The following ITGBL1 variants were observed in gnomAD, a reference collection of about 807,000 sequenced individuals.
The protein encoded by ITGBL1 is integrin subunit beta like 1.
ITGBL1 carries 51 observed loss-of-function variants against 68.5 expected under a neutral mutation model. The observed-to-expected ratio is 0.74, with a 90% confidence interval of 0.59 to 0.94. The LOEUF (loss-of-function observed/expected upper bound fraction) is 0.94, where lower values mean the gene tolerates loss of function less well. Ranked by LOEUF, ITGBL1 falls within the 40% of genes least tolerant of loss-of-function variation. The pLI, the probability that ITGBL1 is intolerant of heterozygous loss-of-function variation, is 0.00. For missense variants in ITGBL1, 649 were observed against 647.4 expected (o/e 1.00, Z -0.03); for synonymous variants, 209 against 227.3 (o/e 0.92, Z 0.72).
chr13:101,683,717 C>A (rs2139533519), intron 7 of ITGBL1, among the ~76,000 whole-genome samples: 1 of 151,988 alleles, frequency 6.6e-6, no homozygotes, highest in South Asian at 2.1e-4. Flanking sequence ...ATTTCCAAAC[C>A]ATTGCCAATG....
At chr13:101,549,224 C>G (rs1422581929) in intron 2 of ITGBL1, among the ~76,000 whole-genome samples, 1 of 151,712 alleles carries the variant, frequency 6.6e-6, no homozygotes, top group African/African-American at 2.4e-5. Context: ...GGACAGTAAC[C>G]ATATTTTATG....
chr13:101,566,792 T>C (rs1211717499), intron 2 of ITGBL1, among the ~76,000 whole-genome samples: 1 of 152,176 alleles, frequency 6.6e-6, no homozygotes. Context: ...CCATTCAAAA[T>C]CTGCTCAACT....
intron 7 of ITGBL1, among the ~76,000 whole-genome samples, chr13:101,674,236 C>A (rs188425303): frequency 1.4e-4 from 21 of 152,292 alleles, no homozygotes; most frequent in Non-Finnish European, 2.5e-4. Context: ...GCTTGTCTAA[C>A]CTTGGACTAA....
At chr13:101,715,439 A>AAT (rs372098650) in intron 10 of ITGBL1, 124 bp from the exon 11 acceptor site, 19 of 746,502 alleles carry the variant, frequency 2.5e-5, no homozygotes, top group African/African-American at 2.3e-4. Flanking sequence ...ATCATTGCAC[A>AAT]ATAAGAAAAT....
At chr13:101,667,649 T>G (rs2033254963) in intron 7 of ITGBL1, among the ~76,000 whole-genome samples, 1 of 152,192 alleles carries the variant, frequency 6.6e-6, no homozygotes, top group Admixed American at 6.5e-5. Flanking sequence ...AAACTGAATT[T>G]AGATTCAATT....
At chr13:101,660,646 A>C (rs2033059148) in intron 7 of ITGBL1, among the ~76,000 whole-genome samples, 1 of 152,158 alleles carries the variant, frequency 6.6e-6, no homozygotes, top group African/African-American at 2.4e-5. Context: ...GGGAAGGGCT[A>C]TTATCATTTA....
chr13:101,466,651 A>C (rs2048385729), intron 2 of ITGBL1, among the ~76,000 whole-genome samples: 1 of 152,200 alleles, frequency 6.6e-6, no homozygotes, highest in Admixed American at 6.5e-5. Context: ...TTATGTTTAC[A>C]AATATGCTGA....
At chr13:101,514,988 A>C (rs928060709) in intron 2 of ITGBL1, among the ~76,000 whole-genome samples, 1 of 152,138 alleles carries the variant, frequency 6.6e-6, no homozygotes, top group Admixed American at 6.6e-5. Flanking sequence ...CAAATAGAAA[A>C]TATTATAGGA....
intron 7 of ITGBL1, among the ~76,000 whole-genome samples, chr13:101,659,687 T>C (rs1466080677): frequency 6.6e-6 from 1 of 152,170 alleles, no homozygotes; most frequent in Admixed American, 6.5e-5. Context: ...GGTCTTGATC[T>C]CCTGACCTCG....
chr13:101,497,019 A>G (rs1374364778), intron 2 of ITGBL1, among the ~76,000 whole-genome samples: 1 of 152,186 alleles, frequency 6.6e-6, no homozygotes, highest in Middle Eastern at 3.2e-3. Context: ...TGGGACAAGC[A>G]TGGCAGAGGG....
At chr13:101,673,937 C>T (rs2033438265) in intron 7 of ITGBL1, among the ~76,000 whole-genome samples, 2 of 152,156 alleles carry the variant, frequency 1.3e-5, no homozygotes, top group South Asian at 4.1e-4. Flanking sequence ...CATCCTGGCA[C>T]TGATGGATGA....
intron 7 of ITGBL1, among the ~76,000 whole-genome samples, chr13:101,644,887 A>T (rs2032509425): frequency 6.6e-6 from 1 of 152,202 alleles, no homozygotes. Context: ...TAAGAACTAG[A>T]TTCTTGGAGA....
At chr13:101,527,864 A>G (rs887112922) in intron 2 of ITGBL1, among the ~76,000 whole-genome samples, 3 of 152,118 alleles carry the variant, frequency 2.0e-5, no homozygotes, top group East Asian at 3.9e-4. Flanking sequence ...GTATTTATTT[A>G]GGAATTTGTC....
chr13:101,672,817 A>C (rs1594970730), intron 7 of ITGBL1, among the ~76,000 whole-genome samples: 1 of 152,086 alleles, frequency 6.6e-6, no homozygotes, highest in Non-Finnish European at 1.5e-5. Context: ...GTGCGTGTCC[A>C]TGTTGTTAAT....
intron 2 of ITGBL1, among the ~76,000 whole-genome samples, chr13:101,463,291 C>G (rs1035858011): frequency 3.9e-5 from 6 of 152,042 alleles, no homozygotes; most frequent in Non-Finnish European, 8.8e-5. Context: ...CTATTATATC[C>G]CAACAAGCTT....
chr13:101,470,580 T>A (rs2048443653), intron 2 of ITGBL1, among the ~76,000 whole-genome samples: 1 of 152,166 alleles, frequency 6.6e-6, no homozygotes, highest in South Asian at 2.1e-4. Flanking sequence ...TGTATAGTTA[T>A]CAAAAACCAT....
At chr13:101,669,790 A>G (rs1358580138) in intron 7 of ITGBL1, among the ~76,000 whole-genome samples, 1 of 152,186 alleles carries the variant, frequency 6.6e-6, no homozygotes, top group Non-Finnish European at 1.5e-5. Context: ...TTAAAATACC[A>G]ATTTAATTTC....
chr13:101,473,720 G>A (rs1417904835), intron 2 of ITGBL1, among the ~76,000 whole-genome samples: 1 of 152,144 alleles, frequency 6.6e-6, no homozygotes, highest in East Asian at 1.9e-4. Flanking sequence ...ACCCTAGGCA[G>A]TGCAGCTCAT....
At chr13:101,702,103 C>T (rs867730179) in intron 8 of ITGBL1, among the ~76,000 whole-genome samples, 6 of 152,082 alleles carry the variant, frequency 3.9e-5, no homozygotes, top group Admixed American at 6.5e-5. Context: ...TGTGTCTTCA[C>T]GGAATTGGTC....
Sources: allele counts gnomAD v4.1 joint callset (sites outside exome capture counted in the v4.1 genomes callset), GRCh38; gene constraint gnomAD v4.1.1; transcripts MANE v1.5; gene names NCBI Gene and HGNC (gene_info 2026-07-23, HGNC 2026-07-21).